The following COX14 variants were observed in gnomAD, a reference collection of about 807,000 sequenced individuals.
COX14 encodes the protein cytochrome c oxidase assembly factor COX14.
In COX14, 3 loss-of-function variants were observed where a neutral mutation model predicts 5.8. The observed-to-expected ratio is 0.51, with a 90% CI of 0.23 to 1.33. The LOEUF (loss-of-function observed/expected upper bound fraction) is 1.33. Among genes scored for constraint, COX14 ranks in the 40% most tolerant of loss-of-function variants. The pLI, the probability that COX14 is intolerant of heterozygous loss-of-function variation, is 0.18. For synonymous variants in COX14, 25 were observed against 26.1 expected (o/e 0.96, Z 0.13); for missense variants, 72 against 72.1 (o/e 1.00, Z 0.01).
Position 50,120,124 on chromosome 12 carries a change from G to A in COX14, c.81G>A (p.Gly27=), listed in dbSNP as rs770050959. 15 of 1,613,956 alleles carry A rather than the reference G, an allele frequency of 9.3e-6. 1 individual carries two copies. In the African/African-American group the frequency reaches 9.3e-5, roughly 10 times the overall value. ...TSMMLLTVYG[G]YLCSVRVYHY... The stretch of plus-strand genomic sequence containing the variant: ...TGATGCTTCTCACTGTGTATGGGGG[G>A]TACCTCTGCAGTGTCCGAGTCTACC... The change falls in exon 2 of 2, where the codon GGG becomes GGA. Residue 27 remains glycine, a synonymous_variant. Coordinates refer to ENST00000550487, the MANE Select transcript of COX14 (RefSeq NM_032901.4).
rs533931312 is a variant in COX14 at position 50,116,748 on chromosome 12, A to C, written c.-8-3288A>C. On this transcript the variant is annotated intron_variant, in intron 1 of 1. Coordinates refer to ENST00000550487, the MANE Select transcript of COX14 (RefSeq NM_032901.4). ...GCATGCACAGCTTGGGGCCATTTCA[A>C]ACCTCAGATTTCAAACCTGAACACA... Among the ~76,000 whole-genome samples the C allele has an allele frequency of 9.9e-5, 15 of 152,258 alleles. No homozygotes were observed. The East Asian group carries it at 2.7e-3, about 27-fold the overall frequency.
rs774934006 is a variant in COX14 at position 50,120,151 on chromosome 12, C to G, written c.108C>G (p.His36Gln). 8 of 1,614,212 alleles carry G rather than the reference C, an allele frequency of 5.0e-6. No individual in the cohort carries two copies. Among genetic ancestry groups the G allele is most frequent in the Non-Finnish European group, 5.9e-6 (7 of 1,180,028 alleles). ...GGYLCSVRVY[H>Q]YFQWRRAQRQ... ...ACCTCTGCAGTGTCCGAGTCTACCA[C>G]TATTTCCAGTGGCGCAGGGCCCAGC... is the stretch of plus-strand genomic sequence containing the variant. Residue 36 changes from histidine to glutamine, a missense_variant, in exon 2 of 2, where the codon CAC becomes CAG. By Grantham distance (24) the His-to-Gln change is conservative. Transcript: ENST00000550487.
intron 1 of COX14, among the ~76,000 whole-genome samples, chr12:50,114,286 G>C (rs1177868597): frequency 6.8e-6 from 1 of 146,204 alleles, no homozygotes; most frequent in Non-Finnish European, 1.5e-5. Flanking sequence ...AGTTTCACTC[G>C]TTGCCCAGGC....
rs1951120089 is a variant in COX14, at chr12:50,120,361, T to G, written c.*144T>G. The G allele has an allele frequency of 1.5e-6, 1 of 681,476 alleles. No homozygotes were observed. Among genetic ancestry groups the G allele is most frequent in the Non-Finnish European group, 2.5e-6 (1 of 403,044 alleles). 42.2% of individuals were successfully genotyped at this position (681,476 alleles called of 1,614,324 possible). On this transcript the variant is annotated 3_prime_UTR_variant, in exon 2 of 2. Coordinates refer to ENST00000550487, the MANE Select transcript of COX14 (RefSeq NM_032901.4). ...AAGAAAGTGCCCATGGTTTCTCTGG[T>G]TCTGCCAGTTTGACAGTTTATGGAG...
intron 1 of COX14, among the ~76,000 whole-genome samples, chr12:50,115,366 C>T (rs1951071722): frequency 6.6e-6 from 1 of 151,860 alleles, no homozygotes; most frequent in Non-Finnish European, 1.5e-5. Context: ...AGGCACCCGC[C>T]ACCATGCCCG....
At chr12:50,115,239 G>A (rs12305438) in intron 1 of COX14, among the ~76,000 whole-genome samples, 3,468 of 146,614 alleles carry the variant, frequency 0.024, 139 homozygotes, top group African/African-American at 0.083. Flanking sequence ...TTTTGAGACG[G>A]AGTCTGGTTT....
chr12:50,118,424 A>G (rs1395026850), intron 1 of COX14: 15 of 984,636 alleles, frequency 1.5e-5, no homozygotes, highest in African/African-American at 1.8e-5. Flanking sequence ...ACATACCCCA[A>G]CCCCGTCCTT....
chr12:50,112,555 C>G, intron 1 of COX14: 1 of 833,490 alleles, frequency 1.2e-6, no homozygotes, highest in South Asian at 5.5e-5. Flanking sequence ...TGCCTGGCGT[C>G]TCGACCCTCC....
chr12:50,120,415 G>A lies in COX14; in HGVS notation c.*198G>A. 1.8e-6 allele frequency: 1 copy of A among 563,394 alleles called. No individual in the cohort carries two copies. The highest frequency in any genetic ancestry group is 3.2e-6 in the Non-Finnish European group (1 of 308,906). 34.9% of individuals were successfully genotyped at this position (563,394 alleles called of 1,614,324 possible). On this transcript the variant is annotated 3_prime_UTR_variant, in exon 2 of 2. Transcript: ENST00000550487. ...TTTGAATCGTAATAGCAATGTGAGGGTGAGGTACACCTACAGACATTAAAT... is the reference window on the plus strand; with the variant it reads ...TTTGAATCGTAATAGCAATGTGAGGATGAGGTACACCTACAGACATTAAAT...
At chr12:50,112,426 C>T in intron 1 of COX14, 125 bp downstream of exon 1, 2 of 985,864 alleles carry the variant, frequency 2.0e-6, no homozygotes, top group Non-Finnish European at 2.4e-6. Context: ...CTTGAATTCA[C>T]CCGCTTCTGT....
intron 1 of COX14, chr12:50,112,564 C>T (rs866302020): frequency 1.1e-5 from 8 of 755,746 alleles, no homozygotes; most frequent in Middle Eastern, 6.5e-4. Context: ...TCTCGACCCT[C>T]CACGCTCCAA....
rs1180276583 is a variant in COX14, at chr12:50,120,054, G to C, written c.11G>C (p.Gly4Ala). The C allele has an allele frequency of 6.2e-7, 1 of 1,614,048 alleles. No homozygotes were observed. The highest frequency in any genetic ancestry group is 2.2e-5 in the East Asian group (1 of 44,884). The change falls in exon 2 of 2, where the codon GGC becomes GCC. Residue 4 changes from glycine (G) to alanine (A), a missense_variant. Coordinates refer to ENST00000550487, the MANE Select transcript of COX14 (RefSeq NM_032901.4). ...TTTGTAGGGGACAAGATGCCAACTG[G>C]CAAGCAGCTAGCTGACATTGGCTAT... MPT[G>A]KQLADIGYKT...
At chr12:50,118,053 T>G (rs969532520) in intron 1 of COX14, among the ~76,000 whole-genome samples, 9 of 150,208 alleles carry the variant, frequency 6.0e-5, no homozygotes, top group Admixed American at 4.0e-4. Context: ...CCCCCCCTTT[T>G]TTTTTTTTTG....
chr12:50,117,494 A>G (rs762200075), intron 1 of COX14, among the ~76,000 whole-genome samples: 6 of 152,076 alleles, frequency 3.9e-5, no homozygotes, highest in Non-Finnish European at 7.4e-5. Context: ...TATTGGGCCC[A>G]GTTCTCTCAA....
In COX14 at chr12:50,120,432, A is replaced by T; in HGVS notation, c.*215A>T. The stretch of plus-strand genomic sequence containing the variant: ...ATGTGAGGGTGAGGTACACCTACAG[A>T]CATTAAATAATTTGCTGTGTCTGTG... On this transcript the variant is annotated 3_prime_UTR_variant, in exon 2 of 2. Transcript: ENST00000550487. The T allele has an allele frequency of 2.0e-6, 1 of 511,660 alleles. No homozygotes were observed. Among genetic ancestry groups the T allele is most frequent in the South Asian group, 2.8e-5 (1 of 35,536 alleles). The allele number at this position is 511,660 out of a possible 1,614,324, so 31.7% of individuals were successfully genotyped here. A position where few individuals can be genotyped will look rare whatever the true frequency, so the allele number is the denominator to read the frequency against.
chr12:50,112,500 C>G, intron 1 of COX14, 199 bp downstream of exon 1: 1 of 984,936 alleles, frequency 1.0e-6, no homozygotes, highest in Non-Finnish European at 1.2e-6. Flanking sequence ...AGCAGTAGGT[C>G]AGTCTTGCTA....
rs565855598 is a variant in COX14, at chr12:50,119,831, A to G, written c.-8-205A>G. Among the ~76,000 whole-genome samples the G allele has an allele frequency of 1.1e-4, 16 of 152,250 alleles. 1 individual carries two copies. The South Asian group carries it at 2.5e-3, about 24-fold the overall frequency. ...GCTTGTTTCTGTATCTTGTAGGCAC[A>G]TTTTATTTGCCCTTTTGAATCATAG... On this transcript the variant is annotated intron_variant, in intron 1 of 1. Transcript: ENST00000550487.
At position 50,120,272 on chromosome 12, in the gene COX14, C is replaced by T; in HGVS notation, c.*55C>T. On this transcript the variant is annotated 3_prime_UTR_variant, in exon 2 of 2. Transcript: ENST00000550487. ...AGGCCCAAGGCATGCTGTGGAGAGA[C>T]TTCACCTGCCACCATTTCCAGGTCA... The T allele has an allele frequency of 6.9e-7, 1 of 1,439,124 alleles. No homozygotes were observed. Among genetic ancestry groups the T allele is most frequent in the South Asian group, 1.2e-5 (1 of 81,540 alleles). 89.1% of individuals were successfully genotyped at this position (1,439,124 alleles called of 1,614,324 possible). A position where few individuals can be genotyped will look rare whatever the true frequency, so the allele number is the denominator to read the frequency against.
At chr12:50,116,932 G>A (rs1464892194) in intron 1 of COX14, among the ~76,000 whole-genome samples, 1 of 152,118 alleles carries the variant, frequency 6.6e-6, no homozygotes, top group Non-Finnish European at 1.5e-5. Context: ...CAGCCCTTAG[G>A]GTTTACTCTG....
Sources: gnomAD v4.1 joint callset for allele counts (sites outside exome capture counted in the v4.1 genomes callset) on GRCh38, gnomAD v4.1.1 for gene constraint, MANE v1.5 for transcripts, NCBI Gene and HGNC (gene_info 2026-07-23, HGNC 2026-07-21) for gene names.